GABRA3: variants seen among roughly 807,000 people sequenced by gnomAD.
GABRA3 encodes the protein gamma-aminobutyric acid receptor subunit alpha-3.
GABRA3 carries 10 observed loss-of-function variants against 30.1 expected under a neutral mutation model. The ratio of observed to expected loss-of-function variants is 0.33; its 90% confidence interval spans 0.20 to 0.56. The LOEUF (loss-of-function observed/expected upper bound fraction) is 0.56. Ranked by LOEUF, GABRA3 falls within the 20% of genes least tolerant of loss-of-function variation. The pLI, the probability that GABRA3 is intolerant of heterozygous loss-of-function variation, is 0.89. For synonymous variants in GABRA3, 151 were observed against 146.8 expected (o/e 1.03, Z -0.21); for missense variants, 233 against 392.0 (o/e 0.59, Z 3.42).
intron 5 of GABRA3, among the ~76,000 whole-genome samples, chrX:152,226,580 T>A (rs1937959571): frequency 9.0e-6 from 1 of 111,363 alleles, no homozygotes; most frequent in Non-Finnish European, 1.9e-5. Flanking sequence ...GAAACTACCA[T>A]CAGAGTGAAC....
intron 4 of GABRA3, among the ~76,000 whole-genome samples, chrX:152,271,422 C>T (rs1938935404): frequency 8.9e-6 from 1 of 112,199 alleles, no homozygotes; most frequent in African/African-American, 3.2e-5. Context: ...TGGCATTTTG[C>T]CCCTGCCCTA....
intron 2 of GABRA3, 63 bp from the exon 3 acceptor site, chrX:152,345,765 T>A: frequency 9.8e-7 from 1 of 1,015,359 alleles, no homozygotes. Flanking sequence ...AATACATGAC[T>A]AGATATCGTA....
intron 5 of GABRA3, among the ~76,000 whole-genome samples, chrX:152,246,591 C>G (rs1055965223): frequency 5.4e-5 from 6 of 111,426 alleles, no homozygotes; most frequent in Admixed American, 9.6e-5. Context: ...GTCTTTCCTC[C>G]TAAGATATGA....
chrX:152,172,946 A>G (rs770537832), intron 9 of GABRA3, among the ~76,000 whole-genome samples: 59 of 96,365 alleles, frequency 6.1e-4, no homozygotes, highest in African/African-American at 2.2e-3. Context: ...ATTTACGAGT[A>G]TGTGTACACA....
chrX:152,337,182 C>T (rs1940246363), intron 3 of GABRA3, among the ~76,000 whole-genome samples: 1 of 111,959 alleles, frequency 8.9e-6, no homozygotes, highest in East Asian at 2.8e-4. Flanking sequence ...TATCCATCAC[C>T]TTAGATATGC....
At chrX:152,297,222 C>A (rs1406775135) in intron 3 of GABRA3, among the ~76,000 whole-genome samples, 1 of 111,625 alleles carries the variant, frequency 9.0e-6, no homozygotes, top group Non-Finnish European at 1.9e-5. Context: ...TCAGATGTTT[C>A]ATTCTTAATG....
rs763690417 is a variant in GABRA3, at chrX:152,381,646, C to T, written c.-26-17050G>A. Among the ~76,000 whole-genome samples, 466 of 110,573 alleles carry T rather than the reference C, an allele frequency of 4.2e-3. 1 individual carries two copies. The highest frequency in any genetic ancestry group is 0.014 in the African/African-American group (420 of 30,339). Reference sequence around the variant, plus strand: ...TAGGTGCCATGGTGGTTTGCTGCACCCATCAAACTGTCATCTACATTAGGT... The same window carrying T: ...TAGGTGCCATGGTGGTTTGCTGCACTCATCAAACTGTCATCTACATTAGGT... On this transcript the variant is annotated intron_variant, in intron 1 of 9. Coordinates refer to ENST00000370314, the MANE Select transcript of GABRA3 (RefSeq NM_000808.4).
chrX:152,199,269 G>C (rs1161463147), intron 7 of GABRA3, among the ~76,000 whole-genome samples: 2 of 105,671 alleles, frequency 1.9e-5, no homozygotes, highest in Non-Finnish European at 4.0e-5. Context: ...GGGAGGCTGA[G>C]GCAGGAGAAT....
intron 3 of GABRA3, among the ~76,000 whole-genome samples, chrX:152,340,344 T>C (rs1940295951): frequency 8.9e-6 from 1 of 112,082 alleles, no homozygotes; most frequent in South Asian, 3.7e-4. Flanking sequence ...CAATACATGG[T>C]TATTATTTTT....
rs192919239 is a variant in GABRA3 at position 152,368,325 on chromosome X, C to G, written c.-26-3729G>C. On this transcript the variant is annotated intron_variant, in intron 1 of 9. Transcript: ENST00000370314. ...CTTCCAGCCCCTGGTAACCACCATT[C>G]TACTCTCTGCTTCTGTGAAATCACC... 1.0e-3 allele frequency among the ~76,000 whole-genome samples: 115 copies of G among 111,828 alleles called. 1 individual carries two copies. Among genetic ancestry groups the G allele is most frequent in the African/African-American group, 3.5e-3 (107 of 30,808 alleles).
intron 1 of GABRA3, among the ~76,000 whole-genome samples, chrX:152,443,816 C>T (rs910293222): frequency 2.7e-5 from 3 of 111,641 alleles, no homozygotes; most frequent in African/African-American, 9.8e-5. Context: ...ATAATTTAAA[C>T]GATCAATATG....
intron 2 of GABRA3, among the ~76,000 whole-genome samples, chrX:152,346,874 C>A (rs1171215728): frequency 9.0e-6 from 1 of 111,305 alleles, no homozygotes; most frequent in East Asian, 2.8e-4. Context: ...GAAAGGGAAC[C>A]CTCGTACACT....
intron 5 of GABRA3, among the ~76,000 whole-genome samples, chrX:152,236,925 T>C (rs1938230856): frequency 9.5e-6 from 1 of 105,051 alleles, no homozygotes; most frequent in South Asian, 4.4e-4. Flanking sequence ...GTTGCGAAAA[T>C]TTTCTCCCAT....
chrX:152,415,745 T>G (rs944737929), intron 1 of GABRA3, among the ~76,000 whole-genome samples: 3 of 111,528 alleles, frequency 2.7e-5, no homozygotes, highest in Non-Finnish European at 5.7e-5. Flanking sequence ...TAGGTCTCTA[T>G]GTACTTCCCA....
intron 6 of GABRA3, among the ~76,000 whole-genome samples, chrX:152,218,085 AT>A (rs1270730768): frequency 3.7e-5 from 4 of 108,800 alleles, no homozygotes; most frequent in African/African-American, 1.3e-4. Context: ...TCTTTTAAAT[AT>A]AGGTTTTACA....
Position 152,340,804 on chromosome X carries a change from T to C in GABRA3, c.262+4777A>G, listed in dbSNP as rs146510391. Among the ~76,000 whole-genome samples, 299 of 112,202 alleles carry C rather than the reference T, an allele frequency of 2.7e-3. 1 individual carries two copies. Among genetic ancestry groups the C allele is most frequent in the African/African-American group, 9.1e-3 (281 of 30,972 alleles). On this transcript the variant is annotated intron_variant, in intron 3 of 9. Transcript: ENST00000370314. ...CTTTCTCTTGGTGTAATTTTCTTCATGCTTCTTGTCCTTGGAGTTGTTGAC... is the reference window on the plus strand; with the variant it reads ...CTTTCTCTTGGTGTAATTTTCTTCACGCTTCTTGTCCTTGGAGTTGTTGAC...
intron 1 of GABRA3, among the ~76,000 whole-genome samples, chrX:152,367,675 T>C (rs1035436016): frequency 9.0e-6 from 1 of 111,224 alleles, no homozygotes; most frequent in African/African-American, 3.3e-5. Flanking sequence ...AAGATACCTC[T>C]CACAAAACTC....
At chrX:152,387,892 C>A (rs147120380) in intron 1 of GABRA3, among the ~76,000 whole-genome samples, 93 of 110,885 alleles carry the variant, frequency 8.4e-4, no homozygotes, top group African/African-American at 2.8e-3. Context: ...GAATAAAAAG[C>A]CTGTAAAAAA....
intron 3 of GABRA3, among the ~76,000 whole-genome samples, chrX:152,315,886 C>T (rs1939865977): frequency 9.6e-6 from 1 of 104,638 alleles, no homozygotes; most frequent in Admixed American, 1.0e-4. Flanking sequence ...CCTAACCCTG[C>T]CCCCAGCTGA....
Sources: allele counts gnomAD v4.1 joint callset (sites outside exome capture counted in the v4.1 genomes callset), GRCh38; gene constraint gnomAD v4.1.1; transcripts MANE v1.5; gene names NCBI Gene and HGNC (gene_info 2026-07-23, HGNC 2026-07-21).